RUFY3: variants seen among roughly 807,000 people sequenced by gnomAD.
The protein encoded by RUFY3 is protein RUFY3.
Under a neutral mutation model 84.0 loss-of-function variants are expected in RUFY3, and 34 were observed. The observed-to-expected ratio is 0.40, with a 90% CI of 0.31 to 0.54. The LOEUF is 0.54. RUFY3 is among the 20% of genes least tolerant of loss of function. The pLI is 0.39. For missense variants in RUFY3, 507 were observed against 736.8 expected (o/e 0.69, Z 3.61); for synonymous variants, 242 against 252.9 (o/e 0.96, Z 0.41).
At chr4:70,788,659 A>G (rs897369507) in intron 10 of RUFY3, 147 bp from the exon 11 acceptor site, 2 of 664,038 alleles carry the variant, frequency 3.0e-6, no homozygotes, top group Non-Finnish European at 4.9e-6. Flanking sequence ...ATTATTGTTA[A>G]TGTCTCTGAA....
At chr4:70,802,927 T>A in intron 15 of RUFY3, 29 bp from the exon 16 acceptor site, 8 of 1,554,114 alleles carry the variant, frequency 5.1e-6, no homozygotes, top group South Asian at 1.2e-5. Context: ...AGTTCCTATT[T>A]GTCACAATTT....
chr4:70,789,242 G>A (rs1408475120), intron 11 of RUFY3, among the ~76,000 whole-genome samples: 6 of 152,128 alleles, frequency 3.9e-5, no homozygotes, highest in Admixed American at 6.6e-5. Context: ...GCAGTCTACC[G>A]TGCCAGCTAA....
At chr4:70,806,306 T>C (rs563872248) in intron 17 of RUFY3, among the ~76,000 whole-genome samples, 9 of 152,260 alleles carry the variant, frequency 5.9e-5, no homozygotes, top group Non-Finnish European at 8.8e-5. Context: ...TTTAACTCTA[T>C]GGCACTGCTT....
chr4:70,778,546 A>G (rs1728343138), intron 8 of RUFY3, 108 bp downstream of exon 8: 1 of 495,126 alleles, frequency 2.0e-6, no homozygotes, highest in Non-Finnish European at 3.8e-6. Flanking sequence ...TTCAAATAAT[A>G]TTGACTGTAG....
chr4:70,805,746 T>C (rs905336019), intron 17 of RUFY3, among the ~76,000 whole-genome samples: 2 of 152,222 alleles, frequency 1.3e-5, no homozygotes, highest in Non-Finnish European at 2.9e-5. Flanking sequence ...CTTCTTAGGC[T>C]TTCAGATAAA....
chr4:70,790,021 G>A (rs1463513117), intron 12 of RUFY3: 1 of 366,566 alleles, frequency 2.7e-6, no homozygotes, highest in Non-Finnish European at 3.8e-6. Context: ...GTCCTCCAAG[G>A]ATCTATTCTG....
intron 1 of RUFY3, among the ~76,000 whole-genome samples, chr4:70,741,333 AAAAT>A (rs1465376220): frequency 2.0e-5 from 3 of 152,194 alleles, no homozygotes; most frequent in Non-Finnish European, 1.5e-5. Context: ...TTTCAATAGA[AAAAT>A]AAATCTGTGT....
At chr4:70,762,796 A>G in intron 2 of RUFY3, 104 bp downstream of exon 2, 2 of 941,966 alleles carry the variant, frequency 2.1e-6, no homozygotes, top group Non-Finnish European at 3.1e-6. Context: ...AGAGGCTTGA[A>G]TTAATAATAT....
chr4:70,800,691 C>A (rs1412430441), intron 15 of RUFY3, among the ~76,000 whole-genome samples: 1 of 151,950 alleles, frequency 6.6e-6, no homozygotes, highest in Non-Finnish European at 1.5e-5. Context: ...CGAGACCAGC[C>A]TGCCAACATG....
intron 1 of RUFY3, among the ~76,000 whole-genome samples, chr4:70,726,891 T>C (rs1043223517): frequency 5.3e-5 from 8 of 152,230 alleles, no homozygotes; most frequent in Non-Finnish European, 1.5e-5. Context: ...GCTTGTGCCA[T>C]GTCAGTGCTA....
At chr4:70,721,376 GA>G (rs1039214982), upstream of RUFY3, among the ~76,000 whole-genome samples, 3 of 151,304 alleles carry the variant, frequency 2.0e-5, no homozygotes, top group African/African-American at 7.3e-5. Flanking sequence ...AAAAAGGGGG[GA>G]AATTGCCATT....
At chr4:70,703,946 G>GATAA (rs1274246113), upstream of RUFY3, 15 of 152,284 alleles carry the variant, frequency 9.9e-5, no homozygotes, top group Non-Finnish European at 2.1e-4. Flanking sequence ...AGGAATCCAG[G>GATAA]ATAAAGAACC....
At chr4:70,733,515 CAA>C (rs1309169026) in intron 1 of RUFY3, among the ~76,000 whole-genome samples, 1 of 152,072 alleles carries the variant, frequency 6.6e-6, no homozygotes, top group Non-Finnish European at 1.5e-5. Context: ...GAGATACAAA[CAA>C]AAAGTTTATG....
chr4:70,722,633 G>A lies in RUFY3; in HGVS notation c.60G>A (p.Gln20=). 1 of 1,614,032 alleles carries A rather than the reference G, an allele frequency of 6.2e-7. No homozygotes were observed. Among genetic ancestry groups the A allele is most frequent in the Non-Finnish European group, 8.5e-7 (1 of 1,180,024 alleles). Residue 20 remains glutamine, a synonymous_variant, in exon 1 of 18, where the codon CAG becomes CAA. Transcript: ENST00000381006. ...CCCCCACCACTGACAAGATCACACA[G>A]GCTGCCATGGAGACCATCTACCTTT... ...MPTPTTDKIT[Q]AAMETIYLCK... is the part of the protein sequence containing the mutation.
chr4:70,712,427 A>T (rs1455955601), intron 1 of RUFY3, among the ~76,000 whole-genome samples: 1 of 152,186 alleles, frequency 6.6e-6, no homozygotes, highest in Non-Finnish European at 1.5e-5. Context: ...TTGAGTGGAG[A>T]GCAGTAAAGG....
rs1212926851 is a variant in RUFY3, at chr4:70,722,039, G to C, written c.-535G>C. On this transcript the variant is annotated 5_prime_UTR_variant, in exon 1 of 18. Coordinates refer to ENST00000381006, the MANE Select transcript of RUFY3 (RefSeq NM_001037442.4). ...AATCCTATGAGAACTCAGCATCCCA[G>C]CTCATCTGAGCAGATCCTGGAAGTG... 8.1e-7 allele frequency: 1 copy of C among 1,232,080 alleles called. No homozygotes were observed. Among genetic ancestry groups the C allele is most frequent in the Non-Finnish European group, 1.0e-6 (1 of 987,970 alleles). 76.3% of individuals were successfully genotyped at this position (1,232,080 alleles called of 1,614,324 possible). A position where few individuals can be genotyped will look rare whatever the true frequency, so the allele number is the denominator to read the frequency against.
At chr4:70,789,195 G>A (rs1448004504) in intron 11 of RUFY3, among the ~76,000 whole-genome samples, 1 of 152,186 alleles carries the variant, frequency 6.6e-6, no homozygotes, top group Admixed American at 6.5e-5. Context: ...AGTAGAGGAT[G>A]AGGGTCTTTT....
chr4:70,792,526 T>C, intron 12 of RUFY3: 1 of 985,384 alleles, frequency 1.0e-6, no homozygotes, highest in Non-Finnish European at 1.2e-6. Flanking sequence ...AGATGATTTT[T>C]GATTTGAAGA....
At chr4:70,772,669 A>AT (rs947944622) in intron 5 of RUFY3, among the ~76,000 whole-genome samples, 1 of 149,256 alleles carries the variant, frequency 6.7e-6, no homozygotes, top group Admixed American at 6.7e-5. Context: ...TTTTATTTTT[A>AT]TTTTTTTTGA....
Sources: gnomAD v4.1 joint callset for allele counts (sites outside exome capture counted in the v4.1 genomes callset) on GRCh38, gnomAD v4.1.1 for gene constraint, MANE v1.5 for transcripts, NCBI Gene and HGNC (gene_info 2026-07-23, HGNC 2026-07-21) for gene names.